RASAL2: variants seen among roughly 807,000 people sequenced by gnomAD.
The protein encoded by RASAL2 is ras GTPase-activating protein nGAP.
In RASAL2, 58 loss-of-function variants were observed where a neutral mutation model predicts 128.9. The ratio of observed to expected loss-of-function variants is 0.45; its 90% confidence interval spans 0.36 to 0.56. The LOEUF is 0.56. Among genes scored for constraint, RASAL2 ranks in the 20% least tolerant of loss-of-function variants. The probability of loss-of-function intolerance (pLI) is 0.00; values close to 1 mark genes in which losing one functional copy is unlikely to be tolerated. For synonymous variants in RASAL2, 561 were observed against 580.8 expected, an observed-to-expected ratio of 0.97 and a Z score of 0.49; for missense variants, 1,360 against 1,601.6, an observed-to-expected ratio of 0.85 and a Z score of 2.57.
intron 3 of RASAL2, among the ~76,000 whole-genome samples, chr1:178,329,930 G>C (rs781422863): frequency 6.6e-6 from 1 of 152,142 alleles, no homozygotes; most frequent in Non-Finnish European, 1.5e-5. Context: ...CTATGTAGCT[G>C]ACTGAGTGAG....
At chr1:178,421,966 T>G (rs1675171094) in intron 5 of RASAL2, among the ~76,000 whole-genome samples, 1 of 152,084 alleles carries the variant, frequency 6.6e-6, no homozygotes, top group African/African-American at 2.4e-5. Flanking sequence ...TTCCAGGAAT[T>G]CAAAGCATTT....
At chr1:178,171,742 G>T (rs969925341) in intron 1 of RASAL2, among the ~76,000 whole-genome samples, 1 of 151,906 alleles carries the variant, frequency 6.6e-6, no homozygotes, top group African/African-American at 2.4e-5. Flanking sequence ...TAAAGTGTTA[G>T]GAGTAGTAAC....
chr1:178,465,105 G>A lies in RASAL2; in HGVS notation c.3387+693G>A, dbSNP rs536865266. ...GCCACAGCAACTACAGTACAGGAAAGGGCCATGTAACTAATTGAGTCACTG... is the reference window on the plus strand; with the variant it reads ...GCCACAGCAACTACAGTACAGGAAAAGGCCATGTAACTAATTGAGTCACTG... On this transcript the variant is annotated intron_variant, in intron 15 of 17. Transcript: ENST00000367649. Among the ~76,000 whole-genome samples, 5 of 152,192 alleles carry A rather than the reference G, an allele frequency of 3.3e-5. No individual in the cohort carries two copies. The South Asian group carries it at 1.0e-3, about 32-fold the overall frequency.
Position 178,296,057 on chromosome 1 carries a change from A to G in RASAL2, c.331-3935A>G, listed in dbSNP as rs185286028. 2.4e-3 allele frequency among the ~76,000 whole-genome samples: 361 copies of G among 151,728 alleles called. 3 individuals are homozygous for G. Among genetic ancestry groups the G allele is most frequent in the Non-Finnish European group, 1.2e-3 (84 of 67,888 alleles). On this transcript the variant is annotated intron_variant, in intron 2 of 17. Coordinates refer to ENST00000367649, the MANE Select transcript of RASAL2 (RefSeq NM_170692.4). ...TGTGTGTATGTGTGTGTGTATATAT[A>G]TGTGTGTGTATATGTATGTGTATAT...
At chr1:178,424,316 C>T (rs1381541553) in intron 5 of RASAL2, among the ~76,000 whole-genome samples, 1 of 151,650 alleles carries the variant, frequency 6.6e-6, no homozygotes, top group African/African-American at 2.4e-5. Context: ...AATCTCGGCT[C>T]ATTGCAACCT....
intron 4 of RASAL2, among the ~76,000 whole-genome samples, chr1:178,410,494 A>C (rs1674293178): frequency 6.6e-6 from 1 of 152,192 alleles, no homozygotes. Flanking sequence ...ACCCAAAAGC[A>C]AATGCAACAA....
chr1:178,348,278 T>C (rs150725960), intron 3 of RASAL2, among the ~76,000 whole-genome samples: 4 of 152,298 alleles, frequency 2.6e-5, no homozygotes, highest in Admixed American at 2.6e-4. Context: ...ATTTGTACAC[T>C]GCTCTTTTTT....
At chr1:178,343,803 AAAC>A (rs141551440) in intron 3 of RASAL2, among the ~76,000 whole-genome samples, 3,331 of 152,234 alleles carry the variant, frequency 0.022, 63 homozygotes, top group East Asian at 0.081. Context: ...TAGAAAAAAA[AAAC>A]AATAAAAAGG....
At chr1:178,459,983 A>G (rs1224748082) in intron 14 of RASAL2, among the ~76,000 whole-genome samples, 1 of 152,250 alleles carries the variant, frequency 6.6e-6, no homozygotes, top group Non-Finnish European at 1.5e-5. Context: ...GAAGGCTATC[A>G]GTCATTCCTA....
At chr1:178,426,469 T>A (rs1397878578) in intron 5 of RASAL2, among the ~76,000 whole-genome samples, 5 of 152,152 alleles carry the variant, frequency 3.3e-5, no homozygotes, top group Non-Finnish European at 5.9e-5. Flanking sequence ...GGAGAGACTC[T>A]GTCTCAATAA....
intron 3 of RASAL2, among the ~76,000 whole-genome samples, chr1:178,330,781 G>A (rs1669262843): frequency 2.0e-5 from 3 of 151,970 alleles, no homozygotes; most frequent in South Asian, 2.1e-4. Flanking sequence ...GATAAAAATC[G>A]CTCTCATTTT....
chr1:178,258,076 T>C (rs375380083), intron 1 of RASAL2, among the ~76,000 whole-genome samples: 11 of 151,806 alleles, frequency 7.2e-5, no homozygotes, highest in African/African-American at 2.7e-4. Flanking sequence ...GGGCGGATCA[T>C]GAGGTCAGGA....
intron 1 of RASAL2, among the ~76,000 whole-genome samples, chr1:178,258,344 A>T (rs1327376991): frequency 1.3e-5 from 2 of 151,954 alleles, no homozygotes; most frequent in Non-Finnish European, 2.9e-5. Context: ...CACAGAATGG[A>T]AGAAAAAATT....
At chr1:178,356,999 T>C (rs569947850) in intron 3 of RASAL2, among the ~76,000 whole-genome samples, 57 of 152,324 alleles carry the variant, frequency 3.7e-4, no homozygotes, top group Non-Finnish European at 7.2e-4. Flanking sequence ...TTTTGTTTTT[T>C]GCAGTTGCCA....
At chr1:178,470,351 T>C (rs73037563) in intron 17 of RASAL2, among the ~76,000 whole-genome samples, 11,652 of 152,190 alleles carry the variant, frequency 0.077, 1,398 homozygotes, top group African/African-American at 0.26. Flanking sequence ...TCTGCCTCTT[T>C]TTGAGTCATT....
intron 3 of RASAL2, among the ~76,000 whole-genome samples, chr1:178,364,052 C>T (rs551143093): frequency 1.1e-4 from 17 of 150,860 alleles, no homozygotes; most frequent in South Asian, 4.2e-4. Flanking sequence ...GCCGAGATCG[C>T]GCCACTGCAC....
At chr1:178,249,897 C>G (rs573995974) in intron 1 of RASAL2, among the ~76,000 whole-genome samples, 65 of 152,324 alleles carry the variant, frequency 4.3e-4, no homozygotes, top group Non-Finnish European at 1.0e-4. Context: ...GCGGAAGCTG[C>G]AGAACAGCAA....
At chr1:178,391,543 C>T (rs1386322218) in intron 4 of RASAL2, among the ~76,000 whole-genome samples, 1 of 151,934 alleles carries the variant, frequency 6.6e-6, no homozygotes, top group Non-Finnish European at 1.5e-5. Context: ...TCATGTAATA[C>T]CAATAGTAGT....
At chr1:178,109,196 CAGTTA>C (rs1659205925) in intron 1 of RASAL2, among the ~76,000 whole-genome samples, 1 of 152,146 alleles carries the variant, frequency 6.6e-6, no homozygotes, top group African/African-American at 2.4e-5. Context: ...AGAAGCAGGT[CAGTTA>C]AAACATTGCT....
Sources: allele counts gnomAD v4.1 joint callset (sites outside exome capture counted in the v4.1 genomes callset), GRCh38; gene constraint gnomAD v4.1.1; transcripts MANE v1.5; gene names NCBI Gene and HGNC (gene_info 2026-07-23, HGNC 2026-07-21).